ANK2: variants seen among roughly 807,000 people sequenced by gnomAD.
The protein encoded by ANK2 is ankyrin-2.
A neutral mutation model predicts 360.5 loss-of-function variants in ANK2; 83 were observed. The ratio of observed to expected loss-of-function variants is 0.23; its 90% confidence interval spans 0.19 to 0.28. ANK2 has a LOEUF of 0.28. Among genes scored for constraint, ANK2 ranks in the 10% least tolerant of loss-of-function variants. The probability of loss-of-function intolerance (pLI) is 1.00; values close to 1 mark genes in which losing one functional copy is unlikely to be tolerated. For missense variants in ANK2, 4,201 were observed against 4,795.7 expected, an observed-to-expected ratio of 0.88 and a Z score of 3.66; for synonymous variants, 1,740 against 1,759.5, an observed-to-expected ratio of 0.99 and a Z score of 0.28.
Position 113,363,613 on chromosome 4 carries a change from CA to C in ANK2, c.10888+145del. ...GGTCCTTGAGTAATATCATTTTGTT[CA>C]GTGTCATTTCCTTATAACATTGATG... is the stretch of plus-strand genomic sequence containing the variant. On this transcript the variant is annotated intron_variant, in intron 40 of 45. Coordinates refer to ENST00000357077, the MANE Select transcript of ANK2 (RefSeq NM_001148.6). The C allele has an allele frequency of 4.5e-6, 4 of 884,590 alleles. No individual in the cohort carries two copies. The South Asian group carries it at 5.6e-5, about 12-fold the overall frequency. 54.8% of individuals were successfully genotyped at this position (884,590 alleles called of 1,614,324 possible).
At chr4:112,888,515 T>A (rs982325753) in intron 1 of ANK2, among the ~76,000 whole-genome samples, 9 of 152,198 alleles carry the variant, frequency 5.9e-5, no homozygotes, top group African/African-American at 2.2e-4. Context: ...AGTTTTAACA[T>A]GGTAAAGAGC....
At chr4:112,839,101 A>G (rs1250078067) in intron 1 of ANK2, among the ~76,000 whole-genome samples, 3 of 152,138 alleles carry the variant, frequency 2.0e-5, no homozygotes, top group Non-Finnish European at 4.4e-5. Context: ...CCATGAAGAC[A>G]TTTTGCACCC....
Position 113,353,783 on chromosome 4 carries a change from G to A in ANK2, c.5165G>A (p.Ser1722Asn). The part of the protein sequence containing the change: ...QKQKEEGLQA[S>N]AEKAELKKGS... ...CAAAAAGAGGAAGGTTTACAAGCTAGTGCAGAGAAAGCTGAACTTAAAAAA... is the reference window on the plus strand; with the variant it reads ...CAAAAAGAGGAAGGTTTACAAGCTAATGCAGAGAAAGCTGAACTTAAAAAA... The change falls in exon 38 of 46, where the codon AGT (serine) becomes AAT (asparagine). Residue 1722 changes from serine to asparagine, a missense_variant. By Grantham distance (46) the Ser-to-Asn change is conservative (BLOSUM62 1). Around this residue, in one of 4 missense-constraint regions of ANK2, gnomAD observed 2,642 missense variants for 2,714.5 expected, o/e 0.97. Coordinates refer to ENST00000357077, the MANE Select transcript of ANK2 (RefSeq NM_001148.6). 1 of 1,613,960 alleles carries A rather than the reference G, an allele frequency of 6.2e-7. No individual in the cohort carries two copies. Among genetic ancestry groups the A allele is most frequent in the Non-Finnish European group, 8.5e-7 (1 of 1,179,982 alleles).
At chr4:112,750,924 A>C in the ANK2 span, among the ~76,000 whole-genome samples, 1 of 152,028 alleles carries the variant, frequency 6.6e-6, no homozygotes, top group African/African-American at 2.4e-5. Flanking sequence ...GATGGGTCTC[A>C]CTATGTCGGT....
intron 1 of ANK2, among the ~76,000 whole-genome samples, chr4:113,094,284 G>A (rs1360237306): frequency 6.6e-6 from 1 of 152,146 alleles, no homozygotes; most frequent in Non-Finnish European, 1.5e-5. Flanking sequence ...AAACTGAGGA[G>A]TGCTGTTATG....
At chr4:112,823,940 C>T (rs887340122) in intron 1 of ANK2, among the ~76,000 whole-genome samples, 1 of 152,134 alleles carries the variant, frequency 6.6e-6, no homozygotes, top group Non-Finnish European at 1.5e-5. Context: ...TGTTTGGGGT[C>T]CATGGAAGTT....
At chr4:112,730,137 C>G in the ANK2 span, among the ~76,000 whole-genome samples, 1 of 150,404 alleles carries the variant, frequency 6.6e-6, no homozygotes, top group African/African-American at 2.5e-5. Flanking sequence ...ACCTGTAATC[C>G]CAGCTACTTG....
intron 1 of ANK2, among the ~76,000 whole-genome samples, chr4:113,066,869 A>T (rs191611696): frequency 1.3e-3 from 192 of 152,268 alleles, no homozygotes; most frequent in Non-Finnish European, 2.4e-3. Context: ...AAACACTGAG[A>T]TAATTACAGG....
chr4:113,012,590 A>T (rs1480279274), intron 2 of ANK2, among the ~76,000 whole-genome samples: 2 of 152,166 alleles, frequency 1.3e-5, no homozygotes, highest in African/African-American at 4.8e-5. Flanking sequence ...TTAGAGTCAA[A>T]ATGTCAAATC....
rs891749744 is a variant in ANK2, at chr4:113,354,795, G to C, written c.6177G>C (p.Thr2059=). 5.0e-6 allele frequency: 8 copies of C among 1,613,972 alleles called. No individual in the cohort carries two copies. The highest frequency in any genetic ancestry group is 1.7e-5 in the Admixed American group (1 of 59,988). Residue 2059 remains threonine, a synonymous_variant, in exon 38 of 46, where the codon ACG becomes ACC. Coordinates refer to ENST00000357077, the MANE Select transcript of ANK2 (RefSeq NM_001148.6). ...AACGAGGCCAGAGACTCCCGGTAAC[G>C]GGCACAGCAGAATCCAAAAGAGGAG... ...TIKRGQRLPV[T]GTAESKRGVR... is the part of the protein sequence containing the mutation.
intron 32 of ANK2, among the ~76,000 whole-genome samples, chr4:113,340,756 G>T (rs185340473): frequency 6.6e-6 from 1 of 150,936 alleles, no homozygotes; most frequent in East Asian, 2.0e-4. Context: ...AGGACTGTTG[G>T]TTGCCAACAC....
chr4:113,290,110 C>T (rs1470521964), intron 20 of ANK2, among the ~76,000 whole-genome samples: 1 of 151,648 alleles, frequency 6.6e-6, no homozygotes, highest in Non-Finnish European at 1.5e-5. Flanking sequence ...TGGAGTTTGA[C>T]CTGCACTGAA....
intron 2 of ANK2, among the ~76,000 whole-genome samples, chr4:112,982,133 G>A (rs2043290746): frequency 6.6e-6 from 1 of 151,834 alleles, no homozygotes; most frequent in Non-Finnish European, 1.5e-5. Context: ...ATAGATTTTT[G>A]GCCTGTGAAT....
At chr4:112,934,431 C>T (rs2093555425) in intron 2 of ANK2, among the ~76,000 whole-genome samples, 1 of 152,170 alleles carries the variant, frequency 6.6e-6, no homozygotes, top group African/African-American at 2.4e-5. Flanking sequence ...GAACATTACT[C>T]TCTCGACATT....
intron 1 of ANK2, among the ~76,000 whole-genome samples, chr4:112,834,602 C>G (rs2060591502): frequency 6.6e-6 from 1 of 151,808 alleles, no homozygotes; most frequent in Non-Finnish European, 1.5e-5. Flanking sequence ...GTATGTTTTT[C>G]TAATATTATA....
chr4:113,358,550 C>T lies in ANK2; in HGVS notation c.9932C>T (p.Thr3311Ile). The T allele has an allele frequency of 1.9e-6, 3 of 1,614,108 alleles. No homozygotes were observed. Among genetic ancestry groups the T allele is most frequent in the Non-Finnish European group, 2.5e-6 (3 of 1,179,968 alleles). ...AAAATTCCTGTAAGGACTATGCCCA[C>T]TTCCACCCCAGCACCTCCATCTGCA... Reference protein sequence around the residue: ...KSKIPVRTMPTSTPAPPSAEY... With the variant: ...KSKIPVRTMPISTPAPPSAEY... The change falls in exon 38 of 46, where the codon ACT becomes ATT. Residue 3311 changes from threonine (T) to isoleucine (I), a missense_variant. This residue lies in a region of ANK2 where 2,642 missense variants were observed against 2,714.5 expected (regional missense o/e 0.97). Coordinates refer to ENST00000357077, the MANE Select transcript of ANK2 (RefSeq NM_001148.6).
At chr4:112,871,141 T>A (rs1350773137) in intron 1 of ANK2, among the ~76,000 whole-genome samples, 19 of 152,168 alleles carry the variant, frequency 1.2e-4, no homozygotes, top group Admixed American at 1.2e-3. Context: ...CTGATATTTG[T>A]ATATTGATCT....
At chr4:113,156,811 T>A (rs2097317479) in intron 1 of ANK2, among the ~76,000 whole-genome samples, 1 of 150,470 alleles carries the variant, frequency 6.6e-6, no homozygotes, top group Non-Finnish European at 1.5e-5. Context: ...ATATATAAAA[T>A]GTATGTGTGT....
At chr4:112,911,900 A>G (rs921786723) in intron 2 of ANK2, among the ~76,000 whole-genome samples, 47 of 152,128 alleles carry the variant, frequency 3.1e-4, no homozygotes, top group African/African-American at 1.0e-3. Flanking sequence ...GATGTGGGCC[A>G]GGCGTGGTGG....
Sources: gnomAD v4.1 joint callset for allele counts (sites outside exome capture counted in the v4.1 genomes callset) on GRCh38, gnomAD v4.1.1 for gene constraint, gnomAD v4.1.1 regional missense constraint, MANE v1.5 for transcripts, NCBI Gene and HGNC (gene_info 2026-07-23, HGNC 2026-07-21) for gene names.